The following TEX11 variants were observed in gnomAD, a reference collection of about 807,000 sequenced individuals.
The protein encoded by TEX11 is testis-expressed protein 11.
A neutral mutation model predicts 84.4 loss-of-function variants in TEX11; 7 were observed. The ratio of observed to expected loss-of-function variants is 0.08; its 90% CI spans 0.05 to 0.16. The LOEUF is 0.16. Ranked by LOEUF, TEX11 falls within the 10% of genes least tolerant of loss-of-function variation. The probability of loss-of-function intolerance (pLI) is 1.00; values close to 1 mark genes in which losing one functional copy is unlikely to be tolerated. For synonymous variants in TEX11, 264 were observed against 222.8 expected (o/e 1.18, Z -1.64); for missense variants, 551 against 660.5 (o/e 0.83, Z 1.82).
intron 25 of TEX11, among the ~76,000 whole-genome samples, chrX:70,587,818 A>G (rs2088874544): frequency 8.9e-6 from 1 of 112,333 alleles, no homozygotes; most frequent in East Asian, 2.8e-4. Flanking sequence ...CAGCCCGTGA[A>G]AGCAACCAAG....
At chrX:70,829,338 C>T (rs540185398) in intron 8 of TEX11, among the ~76,000 whole-genome samples, 51 of 109,863 alleles carry the variant, frequency 4.6e-4, no homozygotes, top group African/African-American at 1.6e-3. Context: ...AAAAATTATC[C>T]GGGTGTGGTG....
At chrX:70,530,052 G>A in intron 28 of TEX11, 53 bp from the exon 29 acceptor site, 3 of 1,013,507 alleles carry the variant, frequency 3.0e-6, no homozygotes, top group Non-Finnish European at 4.1e-6. Flanking sequence ...GTTCATTGTG[G>A]CACTACCTGT....
At chrX:70,664,832 G>C (rs2089963645) in intron 16 of TEX11, among the ~76,000 whole-genome samples, 1 of 92,913 alleles carries the variant, frequency 1.1e-5, no homozygotes, top group Non-Finnish European at 2.1e-5. Flanking sequence ...TTGTGGGAAA[G>C]GTACATCTAC....
At chrX:70,808,320 T>C (rs983058675) in intron 8 of TEX11, among the ~76,000 whole-genome samples, 2 of 106,289 alleles carry the variant, frequency 1.9e-5, no homozygotes, top group African/African-American at 3.4e-5. Flanking sequence ...CTGGCCAACA[T>C]GGTGAAACTC....
At chrX:70,560,302 C>T (rs1355112538) in intron 25 of TEX11, among the ~76,000 whole-genome samples, 5 of 109,911 alleles carry the variant, frequency 4.5e-5, no homozygotes, top group African/African-American at 1.3e-4. Context: ...AGGTATGTGC[C>T]ACCACGCCCG....
At chrX:70,840,349 T>G (rs1254065130) in intron 7 of TEX11, among the ~76,000 whole-genome samples, 2 of 111,701 alleles carry the variant, frequency 1.8e-5, no homozygotes, top group African/African-American at 6.5e-5. Flanking sequence ...GGAAGAATTT[T>G]CAACCCACAA....
chrX:70,790,850 G>A (rs1024114357), intron 9 of TEX11, among the ~76,000 whole-genome samples: 5 of 112,288 alleles, frequency 4.5e-5, no homozygotes, highest in Admixed American at 9.4e-5. Context: ...AAAGCTGCAG[G>A]CCCAGTCCCA....
At chrX:70,521,241 G>A in the TEX11 span, among the ~76,000 whole-genome samples, 81 of 110,827 alleles carry the variant, frequency 7.3e-4, no homozygotes, top group Admixed American at 3.2e-3. Flanking sequence ...GGGAGCTGTA[G>A]ACCAGAGCTG....
chrX:70,523,060 G>T, the TEX11 span, among the ~76,000 whole-genome samples: 1 of 110,815 alleles, frequency 9.0e-6, no homozygotes, highest in African/African-American at 3.3e-5. Context: ...TTTGGGGCAC[G>T]TAGTATGTTT....
intron 17 of TEX11, among the ~76,000 whole-genome samples, chrX:70,633,193 T>G: frequency 1.8e-5 from 2 of 112,074 alleles, no homozygotes; most frequent in Middle Eastern, 9.3e-3. Flanking sequence ...TCAAATTATA[T>G]AAAAAGGAGT....
At chrX:70,616,379 A>G (rs2089317729) in intron 20 of TEX11, among the ~76,000 whole-genome samples, 1 of 111,921 alleles carries the variant, frequency 8.9e-6, no homozygotes, top group Non-Finnish European at 1.9e-5. Flanking sequence ...TCATCAGATT[A>G]AAATAATGGG....
intron 9 of TEX11, among the ~76,000 whole-genome samples, chrX:70,755,670 C>A (rs777572749): frequency 8.9e-6 from 1 of 112,047 alleles, no homozygotes; most frequent in South Asian, 3.8e-4. Context: ...CAGCTCCCAG[C>A]AAGATTGATG....
chrX:70,871,519 A>G (rs1271708040), intron 4 of TEX11, among the ~76,000 whole-genome samples: 1 of 112,394 alleles, frequency 8.9e-6, no homozygotes, highest in Non-Finnish European at 1.9e-5. Flanking sequence ...TTATTTCATC[A>G]CATCCAGGCA....
chrX:70,744,134 C>A, intron 10 of TEX11, 31 bp downstream of exon 10: 1 of 958,529 alleles, frequency 1.0e-6, no homozygotes, highest in Non-Finnish European at 1.4e-6. Context: ...GTTATTCAAC[C>A]TATTTCTACA....
At chrX:70,627,375 G>C (rs60077660) in intron 18 of TEX11, among the ~76,000 whole-genome samples, 9,761 of 111,839 alleles carry the variant, frequency 0.087, 932 homozygotes, top group African/African-American at 0.27. Flanking sequence ...TTGACAAAGT[G>C]AGTGAGAAAA....
intron 8 of TEX11, among the ~76,000 whole-genome samples, chrX:70,830,842 C>T (rs2091373313): frequency 9.1e-6 from 1 of 110,171 alleles, no homozygotes; most frequent in Non-Finnish European, 1.9e-5. Flanking sequence ...GAAAAGGAAA[C>T]TTTGTACACT....
intron 5 of TEX11, among the ~76,000 whole-genome samples, chrX:70,860,460 G>C (rs1008050272): frequency 4.5e-5 from 5 of 111,316 alleles, no homozygotes; most frequent in Admixed American, 1.9e-4. Flanking sequence ...ACCTAACCTA[G>C]GTCTTGAGAC....
chrX:70,757,270 T>C (rs1214741234), intron 9 of TEX11, among the ~76,000 whole-genome samples: 1 of 110,746 alleles, frequency 9.0e-6, no homozygotes, highest in Non-Finnish European at 1.9e-5. Context: ...ATACAGAGAA[T>C]ACCACAAAGA....
At chrX:70,749,332 G>A (rs1181594399) in intron 9 of TEX11, among the ~76,000 whole-genome samples, 1 of 109,038 alleles carries the variant, frequency 9.2e-6, no homozygotes, top group African/African-American at 3.4e-5. Flanking sequence ...CTGAGACGAT[G>A]GGGTTTTCTA....
Sources: gnomAD v4.1 joint callset for allele counts (sites outside exome capture counted in the v4.1 genomes callset) on GRCh38, gnomAD v4.1.1 for gene constraint, MANE v1.5 for transcripts, NCBI Gene and HGNC (gene_info 2026-07-23, HGNC 2026-07-21) for gene names.